The following HYAL4 variants were observed in gnomAD, a reference collection of about 807,000 sequenced individuals.
HYAL4 encodes hyaluronidase-4.
A neutral mutation model predicts 35.2 loss-of-function variants in HYAL4; 37 were observed. The ratio of observed to expected loss-of-function variants is 1.05; its 90% CI spans 0.81 to 1.38. HYAL4 has a LOEUF of 1.38. Among genes scored for constraint, HYAL4 ranks in the 40% most tolerant of loss-of-function variants. HYAL4 has a pLI of 0.00. For missense variants in HYAL4, 572 were observed against 572.4 expected (o/e 1.00, Z 0.01); for synonymous variants, 198 against 203.2 (o/e 0.97, Z 0.22).
chr7:123,790,410 T>TA, the HYAL4 span, among the ~76,000 whole-genome samples: 1 of 152,170 alleles, frequency 6.6e-6, no homozygotes, highest in Non-Finnish European at 1.5e-5. Context: ...CAGCTGATGT[T>TA]AGAGTTAGAA....
chr7:123,859,388 A>C (rs1396158798), intron 2 of HYAL4, among the ~76,000 whole-genome samples: 1 of 152,174 alleles, frequency 6.6e-6, no homozygotes, highest in African/African-American at 2.4e-5. Flanking sequence ...GAGAATAATA[A>C]TACTAATCAG....
intron 4 of HYAL4, chr7:123,876,025 G>C: frequency 2.2e-6 from 1 of 456,664 alleles, no homozygotes; most frequent in Middle Eastern, 3.3e-4. Context: ...TGACTTTCCA[G>C]GTGTGATATT....
chr7:123,847,304 A>G (rs941212484), intron 1 of HYAL4, among the ~76,000 whole-genome samples: 7 of 151,804 alleles, frequency 4.6e-5, no homozygotes, highest in Non-Finnish European at 8.8e-5. Flanking sequence ...TTTATAGTGT[A>G]TTTTTTCTAA....
chr7:123,876,062 C>T (rs750147645), intron 4 of HYAL4: 30 of 456,508 alleles, frequency 6.6e-5, no homozygotes, highest in African/African-American at 5.8e-4. Flanking sequence ...GGTGGCTCGT[C>T]AGAAGAGCTT....
At chr7:123,774,635 A>C in the HYAL4 span, among the ~76,000 whole-genome samples, 2 of 152,106 alleles carry the variant, frequency 1.3e-5, no homozygotes, top group Admixed American at 6.6e-5. Context: ...GCCACTCAAA[A>C]ACCCTTCAGT....
chr7:123,768,279 C>A, the HYAL4 span, among the ~76,000 whole-genome samples: 2 of 152,080 alleles, frequency 1.3e-5, no homozygotes, highest in Non-Finnish European at 2.9e-5. Flanking sequence ...AAAAACCAAA[C>A]AATTCGATCT....
the HYAL4 span, among the ~76,000 whole-genome samples, chr7:123,813,662 C>T: frequency 3.3e-5 from 5 of 152,170 alleles, no homozygotes; most frequent in Non-Finnish European, 7.4e-5. Context: ...GTATTACTTA[C>T]TGTTAGTACA....
chr7:123,829,444 C>T (rs1191264868), intron 1 of HYAL4, among the ~76,000 whole-genome samples: 1 of 151,910 alleles, frequency 6.6e-6, no homozygotes, highest in Non-Finnish European at 1.5e-5. Context: ...TCAAGCCTCT[C>T]CCAAAATATG....
the HYAL4 span, among the ~76,000 whole-genome samples, chr7:123,764,185 G>C: frequency 6.6e-6 from 1 of 152,284 alleles, no homozygotes; most frequent in East Asian, 1.9e-4. Context: ...GTGTTGCCCA[G>C]GCTGGTCTTG....
At chr7:123,869,767 A>T (rs1584926758) in intron 3 of HYAL4, among the ~76,000 whole-genome samples, 1 of 149,064 alleles carries the variant, frequency 6.7e-6, no homozygotes, top group African/African-American at 2.5e-5. Flanking sequence ...GGCTCACTGC[A>T]CCCCCCACCT....
the HYAL4 span, among the ~76,000 whole-genome samples, chr7:123,789,598 A>G: frequency 1.3e-5 from 2 of 152,168 alleles, no homozygotes; most frequent in Non-Finnish European, 2.9e-5. Context: ...TACTTCATAA[A>G]TATTCAAAAA....
At chr7:123,832,320 T>G (rs1805895712) in intron 1 of HYAL4, among the ~76,000 whole-genome samples, 1 of 151,656 alleles carries the variant, frequency 6.6e-6, no homozygotes. Flanking sequence ...GGGGAACAGG[T>G]GGTATTTGGT....
chr7:123,824,544 A>G (rs1237499225), upstream of HYAL4, among the ~76,000 whole-genome samples: 1 of 152,020 alleles, frequency 6.6e-6, no homozygotes, highest in Non-Finnish European at 1.5e-5. Flanking sequence ...CAATTTGGTT[A>G]CAGGAAACCC....
chr7:123,795,984 G>A, the HYAL4 span, among the ~76,000 whole-genome samples: 27 of 152,144 alleles, frequency 1.8e-4, no homozygotes, highest in Non-Finnish European at 1.3e-4. Context: ...AAGATGCTTC[G>A]TTTAAGAGTA....
upstream of HYAL4, among the ~76,000 whole-genome samples, chr7:123,844,787 A>G (rs1806141949): frequency 6.6e-6 from 1 of 152,120 alleles, no homozygotes; most frequent in African/African-American, 2.4e-5. Flanking sequence ...TCAATCTCAG[A>G]CTGCTGTGCT....
At chr7:123,808,662 G>T in the HYAL4 span, among the ~76,000 whole-genome samples, 1 of 152,138 alleles carries the variant, frequency 6.6e-6, no homozygotes, top group African/African-American at 2.4e-5. Flanking sequence ...GAATGTCTAA[G>T]ATACCAATGG....
intron 2 of HYAL4, 79 bp downstream of exon 2, chr7:123,848,237 A>G (rs1028249555): frequency 3.3e-5 from 5 of 152,588 alleles, no homozygotes; most frequent in African/African-American, 9.6e-5. Context: ...AAAAAAGCCA[A>G]TATTAATTTC....
chr7:123,861,318 C>T (rs1237376643), intron 2 of HYAL4, among the ~76,000 whole-genome samples: 2 of 152,118 alleles, frequency 1.3e-5, no homozygotes, highest in African/African-American at 2.4e-5. Context: ...AATAACATTT[C>T]GCAGACCACT....
At chr7:123,854,827 A>G (rs1806394181) in intron 2 of HYAL4, among the ~76,000 whole-genome samples, 1 of 152,172 alleles carries the variant, frequency 6.6e-6, no homozygotes, top group Admixed American at 6.5e-5. Context: ...GGGGTGTTAA[A>G]GTATCCCACT....
Sources: allele counts gnomAD v4.1 joint callset (sites outside exome capture counted in the v4.1 genomes callset), GRCh38; gene constraint gnomAD v4.1.1; transcripts MANE v1.5; gene names NCBI Gene and HGNC (gene_info 2026-07-23, HGNC 2026-07-21).